Variants in FHIT observed in about 807,000 individuals in gnomAD.
FHIT encodes the protein bis(5'-adenosyl)-triphosphatase.
FHIT carries 19 observed loss-of-function variants against 17.9 expected under a neutral mutation model. The ratio of observed to expected loss-of-function variants is 1.06; its 90% CI spans 0.74 to 1.56. FHIT has a LOEUF of 1.56. Ranked by LOEUF, FHIT falls within the 40% of genes most tolerant of loss-of-function variation. The pLI is 0.00. For missense variants in FHIT, 248 were observed against 189.2 expected, an observed-to-expected ratio of 1.31 and a Z score of -1.82; for synonymous variants, 81 against 69.7, an observed-to-expected ratio of 1.16 and a Z score of -0.81.
At chr3:60,800,330 C>G (rs913082759) in intron 4 of FHIT, among the ~76,000 whole-genome samples, 8 of 152,146 alleles carry the variant, frequency 5.3e-5, no homozygotes, top group African/African-American at 1.7e-4. Context: ...CTAATTCTTT[C>G]TAAATCTAAG....
intron 5 of FHIT, among the ~76,000 whole-genome samples, chr3:60,072,450 A>T (rs2106983592): frequency 6.6e-6 from 1 of 152,286 alleles, no homozygotes; most frequent in East Asian, 1.9e-4. Flanking sequence ...AACATCGTCA[A>T]CAACAACAAA....
chr3:60,588,536 A>G (rs1232889884), intron 4 of FHIT, among the ~76,000 whole-genome samples: 2 of 152,028 alleles, frequency 1.3e-5, no homozygotes, highest in Non-Finnish European at 2.9e-5. Flanking sequence ...CATCTGCATT[A>G]GAATCTTCTC....
At position 60,250,009 on chromosome 3, in the gene FHIT, C is replaced by T. The variant is rs764667396; in HGVS notation, c.104-235857G>A. 6.4e-4 allele frequency among the ~76,000 whole-genome samples: 97 copies of T among 152,160 alleles called. 1 individual carries two copies. The highest frequency in any genetic ancestry group is 6.8e-3 in the Middle Eastern group (2 of 294). On this transcript the variant is annotated intron_variant, in intron 5 of 9. Transcript: ENST00000492590. ...GAACAGTATGGGGAAACTGCCCCCACGATTTAATTATCTCCACCTGTCCCT... is the reference window on the plus strand; with the variant it reads ...GAACAGTATGGGGAAACTGCCCCCATGATTTAATTATCTCCACCTGTCCCT...
intron 7 of FHIT, among the ~76,000 whole-genome samples, chr3:59,962,893 G>C (rs772981379): frequency 1.3e-5 from 2 of 152,154 alleles, no homozygotes; most frequent in Admixed American, 6.5e-5. Flanking sequence ...TAAGCAAATA[G>C]TTTGCACTTT....
intron 3 of FHIT, among the ~76,000 whole-genome samples, chr3:60,952,557 C>G (rs1340013235): frequency 6.6e-6 from 1 of 152,074 alleles, no homozygotes; most frequent in Non-Finnish European, 1.5e-5. Flanking sequence ...GGAGAATATG[C>G]CAGCCCGAAA....
At chr3:60,571,342 A>T (rs1428873126) in intron 4 of FHIT, among the ~76,000 whole-genome samples, 5 of 86,474 alleles carry the variant, frequency 5.8e-5, no homozygotes, top group East Asian at 5.1e-4. Flanking sequence ...TCGCAAAAAA[A>T]AAAAAAAAAA....
intron 5 of FHIT, among the ~76,000 whole-genome samples, chr3:60,311,249 ACG>A (rs1491474937): frequency 3.0e-5 from 3 of 99,378 alleles, no homozygotes; most frequent in African/African-American, 1.3e-4. Context: ...CTCTACCCCA[ACG>A]TGTGTGTGTG....
At position 60,623,494 on chromosome 3, in the gene FHIT, T is replaced by C. The variant is rs74675672; in HGVS notation, c.-17-86515A>G. On this transcript the variant is annotated intron_variant, in intron 4 of 9. Transcript: ENST00000492590. Reference sequence around the variant, plus strand: ...TTAGCTGTAAAACATGTTCATTTTTTTCTTTTTAAATCTGTGCTGGGCTGT... The same window carrying C: ...TTAGCTGTAAAACATGTTCATTTTTCTCTTTTTAAATCTGTGCTGGGCTGT... Among the ~76,000 whole-genome samples the C allele has an allele frequency of 8.0e-3, 1,225 of 152,312 alleles. 20 individuals carry two copies. Among genetic ancestry groups the C allele is most frequent in the African/African-American group, 0.027 (1,109 of 41,568 alleles).
chr3:60,373,052 A>G (rs1243616694), intron 5 of FHIT, among the ~76,000 whole-genome samples: 1 of 152,196 alleles, frequency 6.6e-6, no homozygotes, highest in Non-Finnish European at 1.5e-5. Context: ...TATTCAACAA[A>G]TATTAAATGT....
chr3:59,917,980 C>T (rs1162085310), intron 8 of FHIT, among the ~76,000 whole-genome samples: 2 of 152,196 alleles, frequency 1.3e-5, no homozygotes, highest in African/African-American at 4.8e-5. Context: ...ATTGCTTCCG[C>T]TAACCTTTCC....
At chr3:60,031,771 G>A (rs1701012423) in intron 5 of FHIT, among the ~76,000 whole-genome samples, 1 of 152,098 alleles carries the variant, frequency 6.6e-6, no homozygotes, top group Non-Finnish European at 1.5e-5. Flanking sequence ...TCCCACAGAG[G>A]CTTAGCAGAG....
At position 60,320,741 on chromosome 3, in the gene FHIT, T is replaced by C. The variant is rs144513441; in HGVS notation, c.103+216119A>G. Among the ~76,000 whole-genome samples the C allele has an allele frequency of 4.9e-3, 742 of 152,264 alleles. 4 individuals are homozygous for C. The highest frequency in any genetic ancestry group is 0.017 in the African/African-American group (702 of 41,540). ...AACTTGTGCTATAATTTATTTAAAA[T>C]TACAAGTAACATAAGAAAGATGGAT... is the stretch of plus-strand genomic sequence containing the variant. On this transcript the variant is annotated intron_variant, in intron 5 of 9. Coordinates refer to ENST00000492590, the MANE Select transcript of FHIT (RefSeq NM_002012.4).
chr3:60,841,388 C>T (rs1252686794), intron 3 of FHIT, among the ~76,000 whole-genome samples: 1 of 152,164 alleles, frequency 6.6e-6, no homozygotes, highest in Non-Finnish European at 1.5e-5. Flanking sequence ...GAATAATAGT[C>T]TTGGGATTCT....
intron 3 of FHIT, among the ~76,000 whole-genome samples, chr3:60,874,530 A>G (rs1553755849): frequency 6.6e-6 from 1 of 152,198 alleles, no homozygotes; most frequent in Non-Finnish European, 1.5e-5. Flanking sequence ...TGTAGTCATT[A>G]GCTTACCTTT....
intron 4 of FHIT, among the ~76,000 whole-genome samples, chr3:60,776,663 A>G (rs1313487013): frequency 5.3e-5 from 8 of 152,252 alleles, no homozygotes; most frequent in Non-Finnish European, 8.8e-5. Flanking sequence ...GGCTGCAGTT[A>G]GCACACAATT....
At chr3:59,803,044 C>T (rs1445186859) in intron 8 of FHIT, among the ~76,000 whole-genome samples, 1 of 152,106 alleles carries the variant, frequency 6.6e-6, no homozygotes, top group African/African-American at 2.4e-5. Flanking sequence ...CCAGCGCTGC[C>T]TAGCTGAATG....
At chr3:61,039,854 A>G (rs1404920901) in intron 3 of FHIT, among the ~76,000 whole-genome samples, 2 of 152,210 alleles carry the variant, frequency 1.3e-5, no homozygotes, top group Non-Finnish European at 2.9e-5. Context: ...GTATAAAAAA[A>G]CAAACAAACA....
intron 5 of FHIT, among the ~76,000 whole-genome samples, chr3:60,401,954 G>C (rs145752317): frequency 6.6e-6 from 1 of 152,178 alleles, no homozygotes; most frequent in Non-Finnish European, 1.5e-5. Flanking sequence ...TGCGTAATTA[G>C]AAACATGCCA....
At chr3:59,994,776 C>T (rs1699435626) in intron 7 of FHIT, among the ~76,000 whole-genome samples, 1 of 152,098 alleles carries the variant, frequency 6.6e-6, no homozygotes, top group Admixed American at 6.6e-5. Flanking sequence ...CATGGCATTT[C>T]AGGTCCACCC....
Sources: gnomAD v4.1 joint callset for allele counts (sites outside exome capture counted in the v4.1 genomes callset) on GRCh38, gnomAD v4.1.1 for gene constraint, MANE v1.5 for transcripts, NCBI Gene and HGNC (gene_info 2026-07-23, HGNC 2026-07-21) for gene names.